The following ARL17B variants were observed in gnomAD, a reference collection of about 807,000 sequenced individuals.
ARL17B encodes the protein ARF like GTPase 17B, also known as ADP-ribosylation factor-like protein 17.
At chr17:46,340,294 C>T (rs2052478441) in intron 3 of ARL17B, among the ~76,000 whole-genome samples, 1 of 72,096 alleles carries the variant, frequency 1.4e-5, no homozygotes. Context: ...CAGCTCACTG[C>T]ATCCTCCGCC....
chr17:46,323,785 T>A (rs1422171253), intron 3 of ARL17B, among the ~76,000 whole-genome samples: 6 of 103,078 alleles, frequency 5.8e-5, no homozygotes, highest in Non-Finnish European at 1.1e-4. Flanking sequence ...TGCAGGTTCC[T>A]CATCCATAGA....
At chr17:46,319,212 A>ATTTTTTTTTTT (rs1225879085) in intron 3 of ARL17B, among the ~76,000 whole-genome samples, 1 of 1,638 alleles carries the variant, frequency 6.1e-4, no homozygotes, top group African/African-American at 2.5e-3. Flanking sequence ...ATTGTGGTCA[A>ATTTTTTTTTTT]TTTTTTTTTT....
At chr17:46,291,370 T>TAAAACTGC in intron 4 of ARL17B, among the ~76,000 whole-genome samples, 1 of 151,812 alleles carries the variant, frequency 6.6e-6, no homozygotes, top group Non-Finnish European at 1.5e-5. Context: ...CACAAAACTG[T>TAAAACTGC]GAGCAGGACT....
At chr17:46,357,307 C>G (rs2052939502) in intron 2 of ARL17B, among the ~76,000 whole-genome samples, 1 of 99,130 alleles carries the variant, frequency 1.0e-5, no homozygotes, top group East Asian at 6.2e-4. Flanking sequence ...AGAGGCAGTT[C>G]ACAAGGCAAA....
At position 46,291,245 on chromosome 17, in the gene ARL17B, A is replaced by C. The variant is rs2050058195; in HGVS notation, c.*21+8281T>G. On this transcript the variant is annotated intron_variant, in intron 4 of 4. Coordinates refer to the ARL17B transcript ENST00000570618. ...AACCAAGATGGTATAGCGGGTGCAC[A>C]CTTTGATCCTCCCTCTCCCTTCAAG... 2.6e-5 allele frequency among the ~76,000 whole-genome samples: 4 copies of C among 152,268 alleles called. No individual in the cohort carries two copies. The East Asian group carries it at 7.7e-4, about 29-fold the overall frequency.
At chr17:46,291,442 G>C (rs906778324) in intron 4 of ARL17B, among the ~76,000 whole-genome samples, 2 of 152,082 alleles carry the variant, frequency 1.3e-5, no homozygotes, top group African/African-American at 4.8e-5. Flanking sequence ...AACACTAACA[G>C]TAAGAGTTTC....
chr17:46,279,524 T>C (rs2696522), intron 4 of ARL17B, among the ~76,000 whole-genome samples: 21,372 of 135,872 alleles, frequency 0.16, 1,932 homozygotes, highest in Middle Eastern at 0.23. Context: ...TTTTTTGAGA[T>C]AGGGTCTTGT....
At chr17:46,292,160 C>T (rs1407283778) in intron 4 of ARL17B, among the ~76,000 whole-genome samples, 5 of 109,394 alleles carry the variant, frequency 4.6e-5, no homozygotes, top group South Asian at 3.5e-4. Flanking sequence ...GGTGAAACCC[C>T]GTCTCTACTA....
chr17:46,351,721 G>A (rs1331961901), intron 3 of ARL17B, among the ~76,000 whole-genome samples: 2 of 151,730 alleles, frequency 1.3e-5, no homozygotes, highest in African/African-American at 2.4e-5. Context: ...AGGGACAGTC[G>A]ACTTGGGTAT....
Position 46,336,203 on chromosome 17 carries a change from C to T in ARL17B, c.*3297G>A, listed in dbSNP as rs1332674225. 3.2e-5 allele frequency among the ~76,000 whole-genome samples: 1 copy of T among 31,364 alleles called. No individual in the cohort carries two copies. The highest frequency in any genetic ancestry group is 4.9e-5 in the African/African-American group (1 of 20,244). 20.6% of individuals were successfully genotyped at this position (31,364 alleles called of 152,430 possible). ...TTTCTCTTTTATTTCTTTTTTTTTCCCCTGGATCCTAGAACTGAGGAAACA... is the reference window on the plus strand; with the variant it reads ...TTTCTCTTTTATTTCTTTTTTTTTCTCCTGGATCCTAGAACTGAGGAAACA... On this transcript the variant is annotated 3_prime_UTR_variant, in exon 4 of 4. Transcript: ENST00000450673.
In ARL17B at chr17:46,316,628, T is replaced by C. The variant is rs556276115; in HGVS notation, c.260-16963A>G. On this transcript the variant is annotated intron_variant, in intron 3 of 4. Coordinates refer to the ARL17B transcript ENST00000434041. The stretch of plus-strand genomic sequence containing the variant: ...TTTTGTTTTTGTTTTTTTTAATTTT[T>C]TTTTATTGATCATTCTTGGGTGTTT... Among the ~76,000 whole-genome samples, 3 of 74,794 alleles carry C rather than the reference T, an allele frequency of 4.0e-5. 1 individual carries two copies. In the Admixed American group the frequency reaches 4.3e-4, roughly 11 times the overall value. The allele number at this position is 74,794 out of a possible 152,430, so 49.1% of individuals were successfully genotyped here. A position where few individuals can be genotyped will look rare whatever the true frequency, so the allele number is the denominator to read the frequency against.
At chr17:46,351,693 CAAT>C (rs1487701975) in intron 3 of ARL17B, among the ~76,000 whole-genome samples, 6 of 150,656 alleles carry the variant, frequency 4.0e-5, no homozygotes, top group Non-Finnish European at 5.9e-5. Flanking sequence ...ACAGCTAAAA[CAAT>C]GATATAAAAT....
intron 3 of ARL17B, among the ~76,000 whole-genome samples, chr17:46,326,711 AG>A (rs1375675269): frequency 1.9e-4 from 3 of 15,408 alleles, no homozygotes; most frequent in Admixed American, 6.8e-4. Context: ...TATAATGACA[AG>A]GCCAAGGAAC....
intron 4 of ARL17B, among the ~76,000 whole-genome samples, chr17:46,288,706 C>CTTTTTTTT (rs199591277): frequency 5.1e-4 from 70 of 138,410 alleles, no homozygotes; most frequent in Admixed American, 7.3e-4. Context: ...CTTGTTTTTT[C>CTTTTTTTT]TTTTTTTTTT....
chr17:46,274,486 A>G (rs1162749502), downstream of ARL17B, among the ~76,000 whole-genome samples: 3 of 152,254 alleles, frequency 2.0e-5, no homozygotes, highest in Non-Finnish European at 4.4e-5. Flanking sequence ...ATGTGTACAT[A>G]GCAGCTCCTT....
chr17:46,277,984 C>T lies in ARL17B; in HGVS notation c.*22-2566G>A, dbSNP rs1598061555. On this transcript the variant is annotated intron_variant, in intron 4 of 4. Transcript: ENST00000570618. ...TTTTGAGATGGAGTCTCGTTCTTGTCGCCCAGGCTGAAGTGTAGTGGTGTG... is the reference window on the plus strand; with the variant it reads ...TTTTGAGATGGAGTCTCGTTCTTGTTGCCCAGGCTGAAGTGTAGTGGTGTG... Among the ~76,000 whole-genome samples, 7 of 151,510 alleles carry T rather than the reference C, an allele frequency of 4.6e-5. 1 individual carries two copies. Among genetic ancestry groups the T allele is most frequent in the Admixed American group, 6.6e-5 (1 of 15,182 alleles).
chr17:46,285,077 C>T (rs1273319584), intron 4 of ARL17B, among the ~76,000 whole-genome samples: 1 of 152,078 alleles, frequency 6.6e-6, no homozygotes, highest in Non-Finnish European at 1.5e-5. Flanking sequence ...CTTTGTTGCC[C>T]AGATTGGTCT....
intron 4 of ARL17B, among the ~76,000 whole-genome samples, chr17:46,280,542 A>G (rs1181917064): frequency 6.9e-6 from 1 of 145,432 alleles, no homozygotes; most frequent in Non-Finnish European, 1.5e-5. Context: ...AAAGAAAAAA[A>G]TTTGTTTCCT....
chr17:46,275,299 T>C, exon 5 of ARL17B: 1 of 696,448 alleles, frequency 1.4e-6, no homozygotes, highest in Admixed American at 2.8e-5. Context: ...ATAGCCTCAC[T>C]AAAAAGATCT....
Sources: allele counts gnomAD v4.1 joint callset (sites outside exome capture counted in the v4.1 genomes callset), GRCh38; gene constraint gnomAD v4.1.1; transcripts MANE v1.5; gene names NCBI Gene and HGNC (gene_info 2026-07-23, HGNC 2026-07-21).